CDH26: variants seen among roughly 807,000 people sequenced by gnomAD.
CDH26 encodes the protein cadherin 26.
CDH26 carries 83 observed loss-of-function variants against 90.3 expected under a neutral mutation model. The observed-to-expected ratio is 0.92, with a 90% CI of 0.77 to 1.10. The LOEUF (loss-of-function observed/expected upper bound fraction) is 1.10, where lower values mean the gene tolerates loss of function less well. Among genes scored for constraint, CDH26 ranks in the 50% least tolerant of loss-of-function variants. The pLI is 0.00. For synonymous variants in CDH26, 397 were observed against 396.3 expected (o/e 1.00, Z -0.02); for missense variants, 1,013 against 1,037.6 (o/e 0.98, Z 0.33).
At chr20:59,997,587 C>T (rs576357669) in intron 13 of CDH26, among the ~76,000 whole-genome samples, 1 of 152,352 alleles carries the variant, frequency 6.6e-6, no homozygotes, top group East Asian at 1.9e-4. Context: ...CAACCCTGGG[C>T]TGGGGTTAGA....
chr20:59,996,428 TATTG>T (rs2061597501), intron 12 of CDH26, 199 bp from the exon 13 acceptor site: 1 of 1,573,310 alleles, frequency 6.4e-7, no homozygotes, highest in Non-Finnish European at 8.6e-7. Flanking sequence ...CAGATAGTAT[TATTG>T]ATTAATTCAA....
intron 8 of CDH26, 93 bp from the exon 9 acceptor site, chr20:59,988,811 C>A: frequency 7.1e-7 from 1 of 1,408,450 alleles, no homozygotes; most frequent in Middle Eastern, 2.6e-4. Context: ...GCAAAAGCCA[C>A]AAGCTCTGAG....
intron 4 of CDH26, among the ~76,000 whole-genome samples, chr20:59,980,712 T>C (rs1040051534): frequency 3.9e-5 from 6 of 152,234 alleles, no homozygotes; most frequent in African/African-American, 1.4e-4. Flanking sequence ...CATTCTTACC[T>C]TTGTCTTTTC....
At chr20:59,958,938 CT>C in intron 1 of CDH26, 143 bp downstream of exon 1, 2 of 758,070 alleles carry the variant, frequency 2.6e-6, no homozygotes, top group Non-Finnish European at 4.2e-6. Context: ...TTGAGAATGG[CT>C]TAGGTAGCAG....
chr20:60,018,497 C>T (rs2061924263), downstream of CDH26, among the ~76,000 whole-genome samples: 1 of 151,850 alleles, frequency 6.6e-6, no homozygotes, highest in Non-Finnish European at 1.5e-5. Context: ...TGTGTCTTTA[C>T]AGGTGATGTG....
intron 17 of CDH26, among the ~76,000 whole-genome samples, 156 bp from the exon 18 acceptor site, chr20:60,012,371 A>C (rs968534682): frequency 6.6e-6 from 1 of 152,104 alleles, no homozygotes; most frequent in Non-Finnish European, 1.5e-5. Flanking sequence ...CATGGCTGCC[A>C]CTTCTGGAAC....
intron 4 of CDH26, among the ~76,000 whole-genome samples, chr20:59,973,213 C>A (rs1423112175): frequency 6.6e-6 from 1 of 152,168 alleles, no homozygotes; most frequent in Non-Finnish European, 1.5e-5. Context: ...AGCCTGAAAG[C>A]CTGCATGTCT....
intron 1 of CDH26, among the ~76,000 whole-genome samples, chr20:59,961,589 C>T (rs537418882): frequency 1.3e-5 from 2 of 152,240 alleles, no homozygotes; most frequent in East Asian, 3.9e-4. Flanking sequence ...TACCTACTTC[C>T]CCCTGTTCAG....
intron 3 of CDH26, among the ~76,000 whole-genome samples, chr20:59,971,355 T>C (rs2061259285): frequency 6.6e-6 from 1 of 152,202 alleles, no homozygotes; most frequent in African/African-American, 2.4e-5. Flanking sequence ...ATCTGTACAA[T>C]GCGGTCAATG....
At chr20:60,000,590 A>G (rs1397079330) in intron 14 of CDH26, among the ~76,000 whole-genome samples, 2 of 152,186 alleles carry the variant, frequency 1.3e-5, no homozygotes, top group Non-Finnish European at 2.9e-5. Flanking sequence ...CACACTATGC[A>G]CTTTGCATGC....
Position 59,984,638 on chromosome 20 carries a change from G to A in CDH26, c.542-1G>A. On this transcript the variant is annotated splice_acceptor_variant, in intron 5 of 17. Transcript: ENST00000348616. LOFTEE classifies it high-confidence loss of function. Reference sequence around the variant, plus strand: ...TAACAATTTTTAAAAATTCTTTCTAGGGCAACCTATTTTTCAGATGTTAGC... The same window carrying A: ...TAACAATTTTTAAAAATTCTTTCTAAGGCAACCTATTTTTCAGATGTTAGC... 6.2e-7 allele frequency: 1 copy of A among 1,605,862 alleles called. No homozygotes were observed. Among genetic ancestry groups the A allele is most frequent in the Non-Finnish European group, 8.5e-7 (1 of 1,177,496 alleles).
chr20:60,028,616 C>G (rs550680095), intron 7 of CDH26, among the ~76,000 whole-genome samples: 1 of 152,274 alleles, frequency 6.6e-6, no homozygotes, highest in South Asian at 2.1e-4. Context: ...GCATGGGCAA[C>G]AGCTGGGAGG....
intron 17 of CDH26, among the ~76,000 whole-genome samples, chr20:60,011,906 A>C (rs991247733): frequency 3.3e-5 from 5 of 151,976 alleles, no homozygotes; most frequent in African/African-American, 1.2e-4. Flanking sequence ...TCACAGAGAG[A>C]GATGGTGACG....
chr20:60,015,405 TA>T (rs1423533578), downstream of CDH26, among the ~76,000 whole-genome samples: 2 of 152,244 alleles, frequency 1.3e-5, no homozygotes, highest in South Asian at 4.1e-4. Context: ...GTTTTTCATA[TA>T]TTTTTTGGCC....
chr20:60,035,864 T>C (rs1345166964), downstream of CDH26, among the ~76,000 whole-genome samples: 1 of 151,966 alleles, frequency 6.6e-6, no homozygotes, highest in Non-Finnish European at 1.5e-5. Flanking sequence ...TTCGCCATGA[T>C]TGTAAGTTTC....
chr20:60,026,224 C>G (rs1271811405), intron 7 of CDH26, among the ~76,000 whole-genome samples: 1 of 152,146 alleles, frequency 6.6e-6, no homozygotes, highest in Non-Finnish European at 1.5e-5. Context: ...TTCCTGAGGC[C>G]TTTCAACTCA....
intron 1 of CDH26, among the ~76,000 whole-genome samples, chr20:59,960,450 G>A (rs1458616934): frequency 1.3e-5 from 2 of 151,812 alleles, no homozygotes; most frequent in African/African-American, 4.8e-5. Context: ...TAGACACAAA[G>A]AAGGTTATGA....
At position 59,983,982 on chromosome 20, in the gene CDH26, T is replaced by G. The variant is rs931892813; in HGVS notation, c.542-657T>G. Among the ~76,000 whole-genome samples, 15 of 152,232 alleles carry G rather than the reference T, an allele frequency of 9.9e-5. 1 individual carries two copies. Among genetic ancestry groups the G allele is most frequent in the Admixed American group, 9.8e-4 (15 of 15,284 alleles). On this transcript the variant is annotated intron_variant, in intron 5 of 17. Transcript: ENST00000348616. ...TGTTTTTTTGCCACTTTCTGTTATT[T>G]TCATAAAATATATTTCAATGATAAA...
At chr20:59,985,429 G>A (rs1369274294) in intron 7 of CDH26, among the ~76,000 whole-genome samples, 1 of 152,062 alleles carries the variant, frequency 6.6e-6, no homozygotes, top group African/African-American at 2.4e-5. Flanking sequence ...TGCAAGACAC[G>A]GGAGGTGGGT....
Sources: allele counts gnomAD v4.1 joint callset (sites outside exome capture counted in the v4.1 genomes callset), GRCh38; gene constraint gnomAD v4.1.1; transcripts MANE v1.5; gene names NCBI Gene and HGNC (gene_info 2026-07-23, HGNC 2026-07-21).